PCDH9: variants seen among roughly 807,000 people sequenced by gnomAD.
PCDH9 encodes protocadherin-9.
In PCDH9, 24 loss-of-function variants were observed where a neutral mutation model predicts 70.6. That is an observed-to-expected ratio of 0.34 (90% confidence interval 0.25 to 0.48). PCDH9 has a LOEUF of 0.48. PCDH9 is among the 20% of genes least tolerant of loss of function. PCDH9 has a pLI of 0.99. For missense variants in PCDH9, 1,281 were observed against 1,503.6 expected, an observed-to-expected ratio of 0.85 and a Z score of 2.45; for synonymous variants, 562 against 558.5, an observed-to-expected ratio of 1.01 and a Z score of -0.09.
chr13:67,070,143 T>G (rs1301785962), intron 2 of PCDH9, among the ~76,000 whole-genome samples: 1 of 151,652 alleles, frequency 6.6e-6, no homozygotes, highest in East Asian at 1.9e-4. Flanking sequence ...ATTTTACATT[T>G]AGAGTTTTTT....
chr13:66,549,216 G>A (rs780709394), intron 4 of PCDH9, among the ~76,000 whole-genome samples: 19 of 152,066 alleles, frequency 1.2e-4, no homozygotes, highest in African/African-American at 1.9e-4. Context: ...TATATAAACC[G>A]TATGTATATG....
intron 3 of PCDH9, among the ~76,000 whole-genome samples, chr13:66,770,796 T>C (rs1468005151): frequency 1.3e-5 from 2 of 152,200 alleles, no homozygotes; most frequent in African/African-American, 4.8e-5. Context: ...GAGCTAAAAA[T>C]CCACATTTTT....
intron 4 of PCDH9, among the ~76,000 whole-genome samples, chr13:66,397,735 C>T (rs186426407): frequency 6.6e-6 from 1 of 151,662 alleles, no homozygotes; most frequent in East Asian, 1.9e-4. Context: ...TGTCAAACTG[C>T]TCTAAAATAA....
intron 4 of PCDH9, among the ~76,000 whole-genome samples, chr13:66,367,795 T>A (rs1367530629): frequency 6.6e-6 from 1 of 151,996 alleles, no homozygotes; most frequent in East Asian, 1.9e-4. Flanking sequence ...GGGAAAGCCA[T>A]TGAAATATCT....
intron 4 of PCDH9, among the ~76,000 whole-genome samples, chr13:66,322,656 T>A (rs535764294): frequency 1.3e-4 from 20 of 152,054 alleles, no homozygotes; most frequent in Non-Finnish European, 2.2e-4. Context: ...TTCAAGAACT[T>A]GTTTTTTCAG....
intron 2 of PCDH9, chr13:66,977,332 T>C (rs1232916480): frequency 6.6e-6 from 1 of 152,052 alleles, no homozygotes; most frequent in Non-Finnish European, 1.5e-5. Flanking sequence ...GCAGCCTGAA[T>C]CATAGGCTGT....
At chr13:66,855,399 T>C (rs1277525168) in intron 3 of PCDH9, among the ~76,000 whole-genome samples, 1 of 152,078 alleles carries the variant, frequency 6.6e-6, no homozygotes, top group Non-Finnish European at 1.5e-5. Context: ...ATTGTTTCCT[T>C]AATATGTGCT....
intron 4 of PCDH9, among the ~76,000 whole-genome samples, chr13:66,391,187 A>G (rs2138268463): frequency 6.6e-6 from 1 of 152,308 alleles, no homozygotes; most frequent in South Asian, 2.1e-4. Context: ...AATGATAAAA[A>G]GGAAAATAAC....
chr13:66,649,725 G>A (rs891490511), intron 3 of PCDH9, among the ~76,000 whole-genome samples: 3 of 151,804 alleles, frequency 2.0e-5, no homozygotes, highest in South Asian at 4.2e-4. Context: ...AGACTAGAAG[G>A]TGAATTGATC....
intron 2 of PCDH9, among the ~76,000 whole-genome samples, chr13:66,963,909 T>G (rs2083390471): frequency 6.6e-6 from 1 of 152,038 alleles, no homozygotes; most frequent in African/African-American, 2.4e-5. Context: ...AGGTGTAACA[T>G]GTTAGATGTT....
intron 2 of PCDH9, among the ~76,000 whole-genome samples, chr13:67,109,414 G>A (rs73212717): frequency 0.013 from 1,923 of 152,240 alleles, 23 homozygotes; most frequent in Middle Eastern, 0.034. Flanking sequence ...GCCTAATCAC[G>A]TAGTTTGGCA....
chr13:66,556,368 C>T lies in PCDH9; in HGVS notation c.3340+74842G>A, dbSNP rs1961740937. ...AATAAAATTAATAGTTTGCCATCCT[C>T]ATGTAGCTGTTCCATTAGGAACATA... On this transcript the variant is annotated intron_variant, in intron 4 of 4. Coordinates refer to ENST00000377865, the MANE Select transcript of PCDH9 (RefSeq NM_203487.3). Among the ~76,000 whole-genome samples, 3 of 152,124 alleles carry T rather than the reference C, an allele frequency of 2.0e-5. No homozygotes were observed. In the South Asian group the frequency reaches 6.2e-4, roughly 32 times the overall value.
At chr13:66,849,807 C>G (rs1004667591) in intron 3 of PCDH9, among the ~76,000 whole-genome samples, 1 of 152,074 alleles carries the variant, frequency 6.6e-6, no homozygotes, top group African/African-American at 2.4e-5. Flanking sequence ...GCTTTTATCA[C>G]CCGTAAGTCT....
At chr13:66,677,695 C>T (rs1420183088) in intron 3 of PCDH9, among the ~76,000 whole-genome samples, 1 of 152,084 alleles carries the variant, frequency 6.6e-6, no homozygotes, top group Admixed American at 6.6e-5. Flanking sequence ...CTCCCCTCAC[C>T]TTCTGCCATG....
intron 4 of PCDH9, among the ~76,000 whole-genome samples, chr13:66,306,872 A>C (rs4883774): frequency 0.75 from 113,693 of 151,874 alleles, 42,773 homozygotes; most frequent in Non-Finnish European, 0.79. Context: ...AAACTAATTT[A>C]TCACTTTTAG....
chr13:66,886,196 G>C (rs2082002217), intron 3 of PCDH9: 1 of 152,118 alleles, frequency 6.6e-6, no homozygotes, highest in Non-Finnish European at 1.5e-5. Context: ...AGGGCAAAGA[G>C]GTCACTAAGC....
chr13:66,953,380 C>G (rs1000253498), intron 2 of PCDH9, among the ~76,000 whole-genome samples: 1 of 152,194 alleles, frequency 6.6e-6, no homozygotes, highest in African/African-American at 2.4e-5. Flanking sequence ...ACCTGAAACA[C>G]AGTACATGTT....
At chr13:67,184,928 C>T (rs111328713) in intron 2 of PCDH9, among the ~76,000 whole-genome samples, 2 of 152,060 alleles carry the variant, frequency 1.3e-5, no homozygotes, top group East Asian at 1.9e-4. Flanking sequence ...CTTTTTGGTC[C>T]TTTCTGTTGA....
intron 4 of PCDH9, among the ~76,000 whole-genome samples, chr13:66,542,914 CAT>C (rs554052003): frequency 2.4e-3 from 361 of 150,866 alleles, no homozygotes; most frequent in African/African-American, 8.4e-3. Flanking sequence ...AGGTGAGCCA[CAT>C]AGTCATCATA....
Sources: gnomAD v4.1 joint callset for allele counts (sites outside exome capture counted in the v4.1 genomes callset) on GRCh38, gnomAD v4.1.1 for gene constraint, MANE v1.5 for transcripts, NCBI Gene and HGNC (gene_info 2026-07-23, HGNC 2026-07-21) for gene names.